The following SPECC1 variants were observed in gnomAD, a reference collection of about 807,000 sequenced individuals.
SPECC1 encodes cytospin-B.
A neutral mutation model predicts 104.1 loss-of-function variants in SPECC1; 62 were observed. The ratio of observed to expected loss-of-function variants is 0.60; its 90% CI spans 0.49 to 0.74. The LOEUF is 0.74. Ranked by LOEUF, SPECC1 falls within the 30% of genes least tolerant of loss-of-function variation. The pLI, the probability that SPECC1 is intolerant of heterozygous loss-of-function variation, is 0.00. For synonymous variants in SPECC1, 513 were observed against 501.6 expected, an observed-to-expected ratio of 1.02 and a Z score of -0.30; for missense variants, 1,306 against 1,310.5, an observed-to-expected ratio of 1.00 and a Z score of 0.05.
intron 12 of SPECC1, among the ~76,000 whole-genome samples, chr17:20,273,582 C>G (rs1315447361): frequency 6.6e-6 from 1 of 152,160 alleles, no homozygotes; most frequent in Non-Finnish European, 1.5e-5. Flanking sequence ...GCTCACTGTC[C>G]TCTGGGTGTG....
chr17:20,065,976 ATATC>A lies in SPECC1; in HGVS notation c.-21-30643_-21-30640del, dbSNP rs1156606865. Among the ~76,000 whole-genome samples the A allele has an allele frequency of 2.0e-5, 3 of 152,180 alleles. No homozygotes were observed. The East Asian group carries it at 5.8e-4, about 29-fold the overall frequency. ...TAGTCCTTGTTATAATTTGTTATCT[ATATC>A]TATCTATCTATATGTATATCTATAT... is the stretch of plus-strand genomic sequence containing the variant. On this transcript the variant is annotated intron_variant, in intron 1 of 14. Transcript: ENST00000395527.
intron 13 of SPECC1, 127 bp from the exon 14 acceptor site, chr17:20,305,896 C>T (rs1036035808): frequency 1.4e-5 from 11 of 763,260 alleles, no homozygotes; most frequent in Middle Eastern, 3.2e-4. Flanking sequence ...ATATTGTACA[C>T]TTGACTTACT....
At chr17:20,052,215 A>G (rs555535064) in intron 1 of SPECC1, among the ~76,000 whole-genome samples, 16 of 152,316 alleles carry the variant, frequency 1.1e-4, no homozygotes, top group African/African-American at 3.8e-4. Context: ...GCACCCTTAA[A>G]TAGCCATTTG....
intron 3 of SPECC1, among the ~76,000 whole-genome samples, chr17:20,131,625 C>CATTCAGTCT (rs1199797606): frequency 2.0e-5 from 3 of 150,148 alleles, no homozygotes; most frequent in Non-Finnish European, 3.0e-5. Context: ...ACGTGGAAAG[C>CATTCAGTCT]ATTCAGTCTT....
At chr17:20,098,196 A>G (rs949857947) in intron 2 of SPECC1, among the ~76,000 whole-genome samples, 2 of 151,716 alleles carry the variant, frequency 1.3e-5, no homozygotes, top group Admixed American at 6.6e-5. Context: ...CCATCCCCTA[A>G]CCTGCTCCCC....
intron 1 of SPECC1, among the ~76,000 whole-genome samples, chr17:20,071,291 A>G (rs17685923): frequency 0.29 from 43,969 of 152,016 alleles, 6,868 homozygotes; most frequent in Middle Eastern, 0.43. Flanking sequence ...TCCAGTGCTC[A>G]TCTTTCTATT....
chr17:20,019,477 T>G (rs889300034), intron 1 of SPECC1, among the ~76,000 whole-genome samples: 5 of 152,064 alleles, frequency 3.3e-5, no homozygotes, highest in African/African-American at 9.7e-5. Flanking sequence ...AGCCATAGCA[T>G]GGCACGTGCT....
At chr17:20,261,430 A>T (rs1034573448) in intron 12 of SPECC1, among the ~76,000 whole-genome samples, 2 of 145,154 alleles carry the variant, frequency 1.4e-5, no homozygotes, top group Non-Finnish European at 3.0e-5. Context: ...TGAACCCGGG[A>T]GGCGAAGCTT....
intron 14 of SPECC1, among the ~76,000 whole-genome samples, chr17:20,312,319 GTCT>G (rs1169752529): frequency 4.0e-5 from 6 of 151,560 alleles, no homozygotes; most frequent in African/African-American, 1.5e-4. Context: ...AGCATACTCT[GTCT>G]TCTGAAATGT....
chr17:20,230,075 A>T (rs2038477926), intron 5 of SPECC1, among the ~76,000 whole-genome samples: 1 of 152,216 alleles, frequency 6.6e-6, no homozygotes, highest in Non-Finnish European at 1.5e-5. Flanking sequence ...AAAAGGAAAG[A>T]GTGGGTTTCC....
intron 3 of SPECC1, among the ~76,000 whole-genome samples, chr17:20,149,018 C>T (rs891748972): frequency 2.7e-5 from 4 of 149,836 alleles, no homozygotes; most frequent in East Asian, 1.9e-4. Context: ...CACCACCCCT[C>T]GCCCAGCGGA....
At chr17:20,242,200 A>T (rs1567977321) in intron 7 of SPECC1, among the ~76,000 whole-genome samples, 1 of 152,260 alleles carries the variant, frequency 6.6e-6, no homozygotes, top group Non-Finnish European at 1.5e-5. Flanking sequence ...AATGACATAA[A>T]GTGCTGTTTT....
At chr17:20,297,972 C>T (rs1598161878) in intron 13 of SPECC1, among the ~76,000 whole-genome samples, 2 of 152,338 alleles carry the variant, frequency 1.3e-5, no homozygotes, top group East Asian at 3.9e-4. Flanking sequence ...GATAAGTGGT[C>T]TAAGAGCCCA....
intron 1 of SPECC1, among the ~76,000 whole-genome samples, chr17:20,035,800 A>G (rs1174327146): frequency 6.6e-6 from 1 of 151,966 alleles, no homozygotes; most frequent in East Asian, 1.9e-4. Context: ...TACTGAATTC[A>G]CTTAGTAGTT....
chr17:20,245,253 C>T (rs917496648), intron 7 of SPECC1, among the ~76,000 whole-genome samples: 8 of 152,202 alleles, frequency 5.3e-5, no homozygotes, highest in Non-Finnish European at 1.0e-4. Flanking sequence ...CACCAGGGAA[C>T]CTGCTCCCTC....
chr17:20,215,450 T>G (rs551082747), intron 4 of SPECC1, among the ~76,000 whole-genome samples: 1 of 151,806 alleles, frequency 6.6e-6, no homozygotes, highest in South Asian at 2.1e-4. Context: ...TTATGGGGGG[T>G]TTATGAGTCA....
At chr17:20,185,901 G>A (rs1375124836) in intron 3 of SPECC1, among the ~76,000 whole-genome samples, 3 of 152,150 alleles carry the variant, frequency 2.0e-5, no homozygotes. Flanking sequence ...GCAATGGCAC[G>A]ATCTTGGCTC....
intron 7 of SPECC1, among the ~76,000 whole-genome samples, chr17:20,233,533 A>G (rs2038726476): frequency 6.6e-6 from 1 of 152,166 alleles, no homozygotes; most frequent in Non-Finnish European, 1.5e-5. Flanking sequence ...CGAGATCATT[A>G]TTTTATTTAG....
At chr17:20,190,678 G>A (rs1162156808) in intron 3 of SPECC1, among the ~76,000 whole-genome samples, 1 of 152,144 alleles carries the variant, frequency 6.6e-6, no homozygotes, top group Non-Finnish European at 1.5e-5. Flanking sequence ...TTGGCATTGT[G>A]CATTCTGTAG....
Sources: gnomAD v4.1 joint callset for allele counts (sites outside exome capture counted in the v4.1 genomes callset) on GRCh38, gnomAD v4.1.1 for gene constraint, MANE v1.5 for transcripts, NCBI Gene and HGNC (gene_info 2026-07-23, HGNC 2026-07-21) for gene names.